GRID2: variants seen among roughly 807,000 people sequenced by gnomAD.
GRID2 encodes the protein glutamate receptor ionotropic, delta-2.
A neutral mutation model predicts 114.8 loss-of-function variants in GRID2; 33 were observed. The ratio of observed to expected loss-of-function variants is 0.29; its 90% CI spans 0.22 to 0.38. GRID2 has a LOEUF of 0.38. Ranked by LOEUF, GRID2 falls within the 10% of genes least tolerant of loss-of-function variation. The pLI is 1.00. For synonymous variants in GRID2, 505 were observed against 449.9 expected (o/e 1.12, Z -1.55); for missense variants, 1,184 against 1,257.7 (o/e 0.94, Z 0.89).
At chr4:93,788,936 G>C (rs1734644212) in intron 1 of GRID2, among the ~76,000 whole-genome samples, 1 of 152,200 alleles carries the variant, frequency 6.6e-6, no homozygotes, top group African/African-American at 2.4e-5. Flanking sequence ...CTCTTGAGGA[G>C]TCCTGAAGCA....
chr4:93,507,737 C>T (rs1298361024), intron 12 of GRID2, among the ~76,000 whole-genome samples: 2 of 152,322 alleles, frequency 1.3e-5, no homozygotes, highest in East Asian at 3.9e-4. Context: ...GTACCAGGTC[C>T]TATGTCTACC....
intron 1 of GRID2, among the ~76,000 whole-genome samples, chr4:92,550,390 C>A (rs984666428): frequency 2.6e-5 from 4 of 152,086 alleles, no homozygotes; most frequent in African/African-American, 9.7e-5. Context: ...TCAACTTATT[C>A]TTTTAATTCC....
At chr4:93,732,138 T>A (rs112983255) in intron 14 of GRID2, among the ~76,000 whole-genome samples, 50 of 152,240 alleles carry the variant, frequency 3.3e-4, no homozygotes, top group Non-Finnish European at 6.8e-4. Flanking sequence ...ACTGAGACCA[T>A]AGGAGAAAGC....
chr4:93,594,895 C>T (rs1485704562), intron 13 of GRID2, among the ~76,000 whole-genome samples: 4 of 152,236 alleles, frequency 2.6e-5, no homozygotes, highest in Admixed American at 2.6e-4. Flanking sequence ...TGAGGCAATG[C>T]CTCGCCCTGC....
intron 13 of GRID2, among the ~76,000 whole-genome samples, chr4:93,555,097 C>A (rs189349132): frequency 6.6e-6 from 1 of 152,308 alleles, no homozygotes; most frequent in East Asian, 1.9e-4. Flanking sequence ...GCTTTTCCCA[C>A]GGTCTTCGCA....
rs556515743 is a variant in GRID2, at chr4:93,082,148, G to A, written c.245-2847G>A. Among the ~76,000 whole-genome samples, 43 of 152,106 alleles carry A rather than the reference G, an allele frequency of 2.8e-4. 1 individual carries two copies. The highest frequency in any genetic ancestry group is 2.2e-4 in the Non-Finnish European group (15 of 68,024). On this transcript the variant is annotated intron_variant, in intron 2 of 15. Coordinates refer to ENST00000282020, the MANE Select transcript of GRID2 (RefSeq NM_001510.4). Reference sequence around the variant, plus strand: ...CCCGTTCTTATATGTGCACAACTGCGGCTTTGTTTTGAGTCATCCAGTCCC... The same window carrying A: ...CCCGTTCTTATATGTGCACAACTGCAGCTTTGTTTTGAGTCATCCAGTCCC...
At chr4:93,771,926 G>A in intron 15 of GRID2, 150 bp from the exon 16 acceptor site, 1 of 605,376 alleles carries the variant, frequency 1.7e-6, no homozygotes, top group East Asian at 2.7e-5. Flanking sequence ...TTAGCACAGT[G>A]CCTGGCTCAT....
At chr4:92,439,481 G>T (rs944830549) in intron 1 of GRID2, among the ~76,000 whole-genome samples, 1 of 150,498 alleles carries the variant, frequency 6.6e-6, no homozygotes, top group South Asian at 2.1e-4. Context: ...ATTTTTAGGG[G>T]GTGGTATGGA....
chr4:92,876,164 T>G (rs1290351574), intron 2 of GRID2, among the ~76,000 whole-genome samples: 1 of 152,014 alleles, frequency 6.6e-6, no homozygotes, highest in African/African-American at 2.4e-5. Flanking sequence ...TTGTAATGTT[T>G]AGAAATGTCA....
At chr4:92,645,766 G>C (rs1560508039) in intron 2 of GRID2, among the ~76,000 whole-genome samples, 1 of 151,592 alleles carries the variant, frequency 6.6e-6, no homozygotes, top group Non-Finnish European at 1.5e-5. Context: ...TCAGGCTTTT[G>C]AGACTTTCCC....
At chr4:92,413,305 T>C (rs1258823954) in intron 1 of GRID2, among the ~76,000 whole-genome samples, 1 of 152,158 alleles carries the variant, frequency 6.6e-6, no homozygotes, top group Non-Finnish European at 1.5e-5. Flanking sequence ...ATAAATTAGG[T>C]TGAAATTAAA....
chr4:92,330,921 G>A (rs10032538), intron 1 of GRID2, among the ~76,000 whole-genome samples: 28,104 of 151,936 alleles, frequency 0.18, 3,817 homozygotes, highest in African/African-American at 0.39. Context: ...CTAGGAAAAT[G>A]TGGTGTCCTT....
chr4:93,696,962 A>C (rs1340762084), intron 14 of GRID2, among the ~76,000 whole-genome samples: 2 of 152,232 alleles, frequency 1.3e-5, no homozygotes, highest in African/African-American at 4.8e-5. Flanking sequence ...ATTTTTGAAG[A>C]AAAAACTGAT....
intron 2 of GRID2, chr4:92,823,067 T>C (rs1050507275): frequency 1.3e-5 from 2 of 152,012 alleles, no homozygotes; most frequent in Non-Finnish European, 2.9e-5. Context: ...ATACAAAATA[T>C]AGGCATAGGA....
At chr4:92,572,669 A>T (rs1461569950) in intron 1 of GRID2, among the ~76,000 whole-genome samples, 1 of 152,146 alleles carries the variant, frequency 6.6e-6, no homozygotes, top group African/African-American at 2.4e-5. Context: ...CCATCCTTGC[A>T]TCCTACTTGA....
chr4:93,213,998 ATACT>A (rs1466080113), intron 5 of GRID2, among the ~76,000 whole-genome samples: 1 of 152,126 alleles, frequency 6.6e-6, no homozygotes, highest in East Asian at 1.9e-4. Flanking sequence ...TCGCTAAAAA[ATACT>A]TAATCATTTG....
At chr4:93,163,113 T>C (rs1321501973) in intron 4 of GRID2, among the ~76,000 whole-genome samples, 1 of 151,812 alleles carries the variant, frequency 6.6e-6, no homozygotes, top group Non-Finnish European at 1.5e-5. Context: ...TTTCAGGTTG[T>C]GTGTATACAT....
intron 2 of GRID2, among the ~76,000 whole-genome samples, chr4:92,826,410 A>G (rs560154386): frequency 2.0e-5 from 3 of 152,124 alleles, no homozygotes; most frequent in South Asian, 2.1e-4. Context: ...CATATTTTCT[A>G]TCTTCCTTCC....
intron 2 of GRID2, among the ~76,000 whole-genome samples, chr4:92,968,715 T>C (rs754084155): frequency 1.6e-4 from 24 of 151,862 alleles, no homozygotes; most frequent in Non-Finnish European, 3.2e-4. Flanking sequence ...CAAAGGAACT[T>C]CATGCCCATT....
Sources: allele counts gnomAD v4.1 joint callset (sites outside exome capture counted in the v4.1 genomes callset), GRCh38; gene constraint gnomAD v4.1.1; transcripts MANE v1.5; gene names NCBI Gene and HGNC (gene_info 2026-07-23, HGNC 2026-07-21).